SC5D: variants seen among roughly 807,000 people sequenced by gnomAD.
SC5D encodes sterol-C5-desaturase, also known as lathosterol oxidase.
Under a neutral mutation model 23.9 loss-of-function variants are expected in SC5D, and 21 were observed. The ratio of observed to expected loss-of-function variants is 0.88; its 90% CI spans 0.62 to 1.26. The LOEUF (loss-of-function observed/expected upper bound fraction) is 1.26, where lower values mean the gene tolerates loss of function less well. Ranked by LOEUF, SC5D falls within the 50% of genes most tolerant of loss-of-function variation. SC5D has a pLI of 0.00. For missense variants in SC5D, 309 were observed against 364.8 expected (o/e 0.85, Z 1.25); for synonymous variants, 113 against 125.9 (o/e 0.90, Z 0.68).
chr11:121,306,888 C>A, intron 4 of SC5D, 169 bp from the exon 5 acceptor site: 2 of 704,482 alleles, frequency 2.8e-6, no homozygotes, highest in Non-Finnish European at 5.1e-6. Context: ...CTCATAAATC[C>A]ATATAAAATT....
rs754779495 is a variant in SC5D at position 121,304,405 on chromosome 11, A to G, written c.255A>G (p.Pro85=). 1.1e-4 allele frequency: 177 copies of G among 1,610,936 alleles called. 1 individual carries two copies. Among genetic ancestry groups the G allele is most frequent in the Non-Finnish European group, 7.6e-6 (9 of 1,177,286 alleles). ...TTAAGTTTACTGTCCAGGCATTGCC[A>G]TGGATAAGTATTCTTACTGTTGCAC... ...REIKFTVQAL[P]WISILTVALF... Residue 85 remains proline, a synonymous_variant, in exon 3 of 5, where the codon CCA becomes CCG. Coordinates refer to ENST00000264027, the MANE Select transcript of SC5D (RefSeq NM_006918.5).
In SC5D at chr11:121,309,128, T is replaced by C. The variant is rs561841569; in HGVS notation, c.*1616T>C. Among the ~76,000 whole-genome samples, 6 of 152,374 alleles carry C rather than the reference T, an allele frequency of 3.9e-5. No individual in the cohort carries two copies. In the Middle Eastern group the frequency reaches 0.014, roughly 346 times the overall value. Reference sequence around the variant, plus strand: ...AGTTAAGTAACTATTCCCAGGTTTATTTCTCTCTCATATGATGTCCCATGT... The same window carrying C: ...AGTTAAGTAACTATTCCCAGGTTTACTTCTCTCTCATATGATGTCCCATGT... On this transcript the variant is annotated 3_prime_UTR_variant, in exon 5 of 5. Transcript: ENST00000264027.
chr11:121,297,836 T>C (rs1463938718), intron 1 of SC5D, among the ~76,000 whole-genome samples: 4 of 152,184 alleles, frequency 2.6e-5, no homozygotes, highest in Non-Finnish European at 5.9e-5. Context: ...CTGAAGGATG[T>C]ATTTAGTATT....
intron 1 of SC5D, among the ~76,000 whole-genome samples, chr11:121,293,889 T>C (rs1481975076): frequency 1.3e-5 from 2 of 152,198 alleles, no homozygotes; most frequent in Non-Finnish European, 2.9e-5. Context: ...TTGTGGAATG[T>C]ACATCCCAGC....
chr11:121,296,927 T>G (rs1157441761), intron 1 of SC5D, among the ~76,000 whole-genome samples: 2 of 152,108 alleles, frequency 1.3e-5, no homozygotes, highest in Non-Finnish European at 2.9e-5. Context: ...AAAAACTCAG[T>G]GGGAAAACGG....
chr11:121,298,446 T>C (rs1157631935), intron 1 of SC5D, among the ~76,000 whole-genome samples: 1 of 152,252 alleles, frequency 6.6e-6, no homozygotes, highest in African/African-American at 2.4e-5. Flanking sequence ...TGAAATGATG[T>C]TGATAAATCA....
chr11:121,302,892 G>A (rs553180519), intron 1 of SC5D, among the ~76,000 whole-genome samples: 45 of 152,300 alleles, frequency 3.0e-4, no homozygotes, highest in African/African-American at 1.0e-3. Flanking sequence ...ATCTTTTAGG[G>A]AATTTATCTT....
intron 1 of SC5D, among the ~76,000 whole-genome samples, chr11:121,296,998 G>A (rs1260862444): frequency 6.6e-6 from 1 of 152,200 alleles, no homozygotes; most frequent in Non-Finnish European, 1.5e-5. Flanking sequence ...TATATGGAAT[G>A]ATGCTCAACT....
chr11:121,301,386 A>C (rs1209551167), intron 1 of SC5D, among the ~76,000 whole-genome samples: 1 of 151,930 alleles, frequency 6.6e-6, no homozygotes, highest in Non-Finnish European at 1.5e-5. Context: ...GCTTAACAGC[A>C]GATTTGAGCC....
Position 121,303,346 on chromosome 11 carries a change from C to G in SC5D, c.-10-20C>G. On this transcript the variant is annotated intron_variant, in intron 1 of 4. Transcript: ENST00000264027. Reference sequence around the variant, plus strand: ...AAATAGAGACATGGTAACTAATTGTCACACATGCTTATTTTTTAGGGGCTA... The same window carrying G: ...AAATAGAGACATGGTAACTAATTGTGACACATGCTTATTTTTTAGGGGCTA... The G allele has an allele frequency of 6.3e-7, 1 of 1,598,920 alleles. No individual in the cohort carries two copies. The highest frequency in any genetic ancestry group is 8.6e-7 in the Non-Finnish European group (1 of 1,166,330).
intron 1 of SC5D, among the ~76,000 whole-genome samples, chr11:121,302,631 A>G (rs1947933534): frequency 6.6e-6 from 1 of 152,202 alleles, no homozygotes; most frequent in Admixed American, 6.5e-5. Flanking sequence ...CCTTTGTAGC[A>G]GAAAAGCAGC....
At chr11:121,297,166 C>T (rs1947895225) in intron 1 of SC5D, among the ~76,000 whole-genome samples, 1 of 152,170 alleles carries the variant, frequency 6.6e-6, no homozygotes, top group South Asian at 2.1e-4. Flanking sequence ...AGTAGTTAAA[C>T]TCTTATGGAG....
chr11:121,297,120 G>A (rs1947894919), intron 1 of SC5D, among the ~76,000 whole-genome samples: 1 of 152,172 alleles, frequency 6.6e-6, no homozygotes, highest in Non-Finnish European at 1.5e-5. Context: ...CAGAGAAATA[G>A]GTAAGGTACT....
chr11:121,307,593 A>G lies in SC5D; in HGVS notation c.*81A>G. ...TTTTTTTTAATAAGGAAAAAATAAT[A>G]TCCATACAGTCAAGATACATAGTAA... On this transcript the variant is annotated 3_prime_UTR_variant, in exon 5 of 5. Transcript: ENST00000264027. 1.1e-6 allele frequency: 1 copy of G among 918,574 alleles called. No individual in the cohort carries two copies. The highest frequency in any genetic ancestry group is 2.6e-5 in the East Asian group (1 of 38,330). 56.9% of individuals were successfully genotyped at this position (918,574 alleles called of 1,614,324 possible). A position where few individuals can be genotyped will look rare whatever the true frequency, so the allele number is the denominator to read the frequency against.
chr11:121,293,249 A>T (rs551403479), intron 1 of SC5D, among the ~76,000 whole-genome samples: 10 of 152,354 alleles, frequency 6.6e-5, no homozygotes, highest in African/African-American at 2.4e-4. Context: ...GGACGGGCTT[A>T]AAGAAAATGC....
At chr11:121,303,915 T>G in intron 2 of SC5D, 1 of 270,002 alleles carries the variant, frequency 3.7e-6, no homozygotes, top group Non-Finnish European at 7.1e-6. Context: ...CTGAAATGTG[T>G]TTTTTTACCA....
In SC5D at chr11:121,307,664, A is replaced by G. The variant is rs1305484652; in HGVS notation, c.*152A>G. The G allele has an allele frequency of 1.5e-5, 9 of 605,324 alleles. No homozygotes were observed. The East Asian group carries it at 2.2e-4, about 15-fold the overall frequency. The allele number at this position is 605,324 out of a possible 1,614,324, so 37.5% of individuals were successfully genotyped here. A position where few individuals can be genotyped will look rare whatever the true frequency, so the allele number is the denominator to read the frequency against. On this transcript the variant is annotated 3_prime_UTR_variant, in exon 5 of 5. Transcript: ENST00000264027. ...GCATCGTGGGCACTGCTGAGGAATG[A>G]TCCTAGTGGTAGGTCAGAAGAAGAT...
At chr11:121,305,934 A>C (rs1947960951) in intron 3 of SC5D, 1 of 185,784 alleles carries the variant, frequency 5.4e-6, no homozygotes, top group Non-Finnish European at 1.1e-5. Context: ...TTAGAGTAGA[A>C]ATACAGGAGT....
In SC5D at chr11:121,292,777, C is replaced by T; in HGVS notation, c.-50C>T. ...GCTGCCCAGCTGCTAGGACAGTTTG[C>T]AGAGCAGTGGCGTGCGGAGCGGCGG... is the stretch of plus-strand genomic sequence containing the variant. On this transcript the variant is annotated 5_prime_UTR_variant, in exon 1 of 5. Transcript: ENST00000264027. The T allele has an allele frequency of 6.6e-6, 1 of 152,596 alleles. No individual in the cohort carries two copies. Among genetic ancestry groups the T allele is most frequent in the Non-Finnish European group, 1.5e-5 (1 of 68,288 alleles). 9.5% of individuals were successfully genotyped at this position (152,596 alleles called of 1,614,324 possible). A position where few individuals can be genotyped will look rare whatever the true frequency, so the allele number is the denominator to read the frequency against.
Sources: allele counts gnomAD v4.1 joint callset (sites outside exome capture counted in the v4.1 genomes callset), GRCh38; gene constraint gnomAD v4.1.1; transcripts MANE v1.5; gene names NCBI Gene and HGNC (gene_info 2026-07-23, HGNC 2026-07-21).